TNRC6B: variants seen among roughly 807,000 people sequenced by gnomAD.
TNRC6B encodes trinucleotide repeat-containing gene 6B protein.
In TNRC6B, 52 loss-of-function variants were observed where a neutral mutation model predicts 203.6. The ratio of observed to expected loss-of-function variants is 0.26; its 90% CI spans 0.20 to 0.32. The LOEUF (loss-of-function observed/expected upper bound fraction) is 0.32. Ranked by LOEUF, TNRC6B falls within the 10% of genes least tolerant of loss-of-function variation. The pLI is 1.00. For synonymous variants in TNRC6B, 838 were observed against 845.7 expected, an observed-to-expected ratio of 0.99 and a Z score of 0.16; for missense variants, 1,923 against 2,286.2, an observed-to-expected ratio of 0.84 and a Z score of 3.24.
intron 1 of TNRC6B, among the ~76,000 whole-genome samples, chr22:40,068,986 A>G (rs2067922371): frequency 6.6e-6 from 1 of 152,268 alleles, no homozygotes; most frequent in Middle Eastern, 3.4e-3. Flanking sequence ...AATTCCATAC[A>G]TACTATTTTT....
At chr22:40,116,276 C>T (rs375370512) in intron 1 of TNRC6B, among the ~76,000 whole-genome samples, 12 of 152,278 alleles carry the variant, frequency 7.9e-5, no homozygotes, top group East Asian at 5.8e-4. Flanking sequence ...CTGCTGGGCT[C>T]GCCATTGCTT....
At chr22:40,107,277 G>A (rs568844891) in intron 1 of TNRC6B, among the ~76,000 whole-genome samples, 1 of 152,158 alleles carries the variant, frequency 6.6e-6, no homozygotes, top group East Asian at 1.9e-4. Flanking sequence ...AGTTCACCTG[G>A]AATTTGATTT....
chr22:40,192,991 G>A (rs1382389710), intron 1 of TNRC6B, among the ~76,000 whole-genome samples: 4 of 152,174 alleles, frequency 2.6e-5, no homozygotes, highest in Non-Finnish European at 5.9e-5. Flanking sequence ...AGAGGAGCAG[G>A]GTGAGAACAG....
chr22:40,335,162 CTTTTTTTTTTT>C lies in TNRC6B; in HGVS notation c.*11938_*11948del, dbSNP rs60665459. The C allele has an allele frequency of 5.5e-5, 3 of 54,878 alleles. No homozygotes were observed. Among genetic ancestry groups the C allele is most frequent in the Admixed American group, 2.0e-4 (1 of 5,060 alleles). 3.4% of individuals were successfully genotyped at this position (54,878 alleles called of 1,614,324 possible). Reference sequence around the variant, plus strand: ...GAGAAAAGGGAGGATGTGGCATTGTCTTTTTTTTTTTTTTTTTTTTTTTTTTTAGCATAGAG... The same window carrying C: ...GAGAAAAGGGAGGATGTGGCATTGTCTTTTTTTTTTTTTTTTAGCATAGAG... On this transcript the variant is annotated 3_prime_UTR_variant, in exon 23 of 23. Coordinates refer to ENST00000454349, the MANE Select transcript of TNRC6B (RefSeq NM_001162501.2).
At chr22:40,305,372 T>G (rs1023967547) in intron 15 of TNRC6B, among the ~76,000 whole-genome samples, 1 of 152,212 alleles carries the variant, frequency 6.6e-6, no homozygotes. Context: ...AACCACTTGG[T>G]GGACTAAGGA....
chr22:40,322,862 T>C lies in TNRC6B; in HGVS notation c.5123T>C (p.Leu1708Ser), dbSNP rs1312602561. 6.2e-7 allele frequency: 1 copy of C among 1,613,746 alleles called. No homozygotes were observed. The highest frequency in any genetic ancestry group is 8.5e-7 in the Non-Finnish European group (1 of 1,179,894). ...KAQTALHMCV[L>S]GNTTILAEFA... ...TCCCTCCCTTCTTCCAGGTGTGTGT[T>C]GGGAAACACTACCATCCTTGCTGAG... The change falls in exon 23 of 23, where the codon TTG (leucine) becomes TCG (serine). Residue 1708 changes from leucine to serine, a missense_variant. Physicochemically the swap from Leu to Ser is moderately radical, Grantham distance 145. Transcript: ENST00000454349.
chr22:40,107,714 AAAATT>A (rs1237123781), intron 1 of TNRC6B, among the ~76,000 whole-genome samples: 3 of 152,110 alleles, frequency 2.0e-5, no homozygotes, highest in Admixed American at 6.6e-5. Flanking sequence ...ATCACAGGAA[AAAATT>A]AAATTAAAAA....
intron 15 of TNRC6B, among the ~76,000 whole-genome samples, chr22:40,302,346 C>A (rs764734873): frequency 6.6e-6 from 1 of 152,132 alleles, no homozygotes; most frequent in Non-Finnish European, 1.5e-5. Flanking sequence ...ACTCAAAAAA[C>A]GAGTTGGGCC....
At chr22:40,090,678 G>A (rs1027891971) in intron 1 of TNRC6B, among the ~76,000 whole-genome samples, 1 of 151,932 alleles carries the variant, frequency 6.6e-6, no homozygotes, top group African/African-American at 2.4e-5. Flanking sequence ...TACAAGTTGT[G>A]GTATGAATTA....
At chr22:40,127,364 G>T (rs986963977) in intron 3 of TNRC6B, among the ~76,000 whole-genome samples, 1 of 152,104 alleles carries the variant, frequency 6.6e-6, no homozygotes, top group East Asian at 1.9e-4. Context: ...CGTAGCTAAA[G>T]CAGAAGCATA....
At chr22:40,208,111 CAA>C (rs905832467) in intron 1 of TNRC6B, among the ~76,000 whole-genome samples, 3 of 74,924 alleles carry the variant, frequency 4.0e-5, no homozygotes, top group Non-Finnish European at 1.0e-4. Context: ...GACTCCATCT[CAA>C]AAAAAAAAAA....
At position 40,295,487 on chromosome 22, in the gene TNRC6B, A is replaced by G. The variant is rs191877189; in HGVS notation, c.3709-4968A>G. On this transcript the variant is annotated intron_variant, in intron 12 of 22. Transcript: ENST00000454349. ...AGACTCCATTTCCAAAAAAAAAAAA[A>G]AAAAGAAAGAAAGAAAAGATAGGCA... Among the ~76,000 whole-genome samples, 13 of 152,050 alleles carry G rather than the reference A, an allele frequency of 8.5e-5. No individual in the cohort carries two copies. In the East Asian group the frequency reaches 1.4e-3, roughly 16 times the overall value.
rs577901549 is a variant in TNRC6B at position 40,331,425 on chromosome 22, G to T, written c.*8184G>T. The T allele has an allele frequency of 1.0e-4, 34 of 325,986 alleles. No individual in the cohort carries two copies. Among genetic ancestry groups the T allele is most frequent in the Non-Finnish European group, 1.6e-4 (29 of 179,730 alleles). The allele number at this position is 325,986 out of a possible 1,614,324, so 20.2% of individuals were successfully genotyped here. On this transcript the variant is annotated 3_prime_UTR_variant, in exon 23 of 23. Transcript: ENST00000454349. ...CTTCTCCCCACTCCTATCTTCTAAAGAAATATCAAGCAAATGCTAAGGGCC... is the reference window on the plus strand; with the variant it reads ...CTTCTCCCCACTCCTATCTTCTAAATAAATATCAAGCAAATGCTAAGGGCC...
intron 12 of TNRC6B, among the ~76,000 whole-genome samples, chr22:40,289,888 C>T (rs1278510407): frequency 6.6e-6 from 1 of 152,232 alleles, no homozygotes; most frequent in Non-Finnish European, 1.5e-5. Flanking sequence ...CCCCTTAACT[C>T]CCAGCAAATG....
rs190566337 is a variant in TNRC6B, at chr22:40,273,735, A to T, written c.3141+135A>T. On this transcript the variant is annotated intron_variant, in intron 7 of 22. Transcript: ENST00000454349. Reference sequence around the variant, plus strand: ...ACTGGAGTGCAGTGGGACAGTCACGACTCGCTGAGCAACCTCCTGGGCTCA... The same window carrying T: ...ACTGGAGTGCAGTGGGACAGTCACGTCTCGCTGAGCAACCTCCTGGGCTCA... 6.9e-4 allele frequency: 651 copies of T among 943,122 alleles called. 6 individuals carry two copies. The African/African-American group carries it at 7.6e-3, about 11-fold the overall frequency. The allele number at this position is 943,122 out of a possible 1,614,324, so 58.4% of individuals were successfully genotyped here. A position where few individuals can be genotyped will look rare whatever the true frequency, so the allele number is the denominator to read the frequency against.
chr22:40,174,363 T>G (rs1480434433), upstream of TNRC6B, among the ~76,000 whole-genome samples: 1 of 151,982 alleles, frequency 6.6e-6, no homozygotes, highest in Non-Finnish European at 1.5e-5. Flanking sequence ...TTATTTTTAG[T>G]AGAAACGGGA....
chr22:40,331,070 G>C lies in TNRC6B; in HGVS notation c.*7829G>C, dbSNP rs549748212. The C allele has an allele frequency of 6.5e-6, 1 of 152,744 alleles. No individual in the cohort carries two copies. The highest frequency in any genetic ancestry group is 2.4e-5 in the African/African-American group (1 of 41,558). The allele number at this position is 152,744 out of a possible 1,614,324, so 9.5% of individuals were successfully genotyped here. On this transcript the variant is annotated 3_prime_UTR_variant, in exon 23 of 23. Transcript: ENST00000454349. ...TTTTTCTGTAAGCACTGGAGAATTGGAATATGGTGATACTTGTGACACATT... is the reference window on the plus strand; with the variant it reads ...TTTTTCTGTAAGCACTGGAGAATTGCAATATGGTGATACTTGTGACACATT...
At chr22:40,264,278 G>C (rs1443163344) in intron 4 of TNRC6B, among the ~76,000 whole-genome samples, 2 of 152,158 alleles carry the variant, frequency 1.3e-5, no homozygotes, top group Admixed American at 1.3e-4. Context: ...CTTTATTCTT[G>C]TGCACTAAGG....
chr22:40,227,862 T>C (rs927390321), intron 1 of TNRC6B, among the ~76,000 whole-genome samples: 1 of 152,204 alleles, frequency 6.6e-6, no homozygotes, highest in East Asian at 1.9e-4. Flanking sequence ...GTTACTGTTA[T>C]AAGTTCTCAG....
Sources: allele counts gnomAD v4.1 joint callset (sites outside exome capture counted in the v4.1 genomes callset), GRCh38; gene constraint gnomAD v4.1.1; transcripts MANE v1.5; gene names NCBI Gene and HGNC (gene_info 2026-07-23, HGNC 2026-07-21).